Variants in FREM2 observed in about 807,000 individuals in gnomAD.
FREM2 encodes the protein FRAS1-related extracellular matrix protein 2.
FREM2 carries 119 observed loss-of-function variants against 219.9 expected under a neutral mutation model. The ratio of observed to expected loss-of-function variants is 0.54; its 90% CI spans 0.47 to 0.63. The LOEUF (loss-of-function observed/expected upper bound fraction) is 0.63, where lower values mean the gene tolerates loss of function less well. Ranked by LOEUF, FREM2 falls within the 30% of genes least tolerant of loss-of-function variation. The probability of loss-of-function intolerance (pLI) is 0.00; values close to 1 mark genes in which losing one functional copy is unlikely to be tolerated. For missense variants in FREM2, 4,030 were observed against 3,993.6 expected, an observed-to-expected ratio of 1.01 and a Z score of -0.25; for synonymous variants, 1,562 against 1,522.8, an observed-to-expected ratio of 1.03 and a Z score of -0.60.
At chr13:38,847,033 T>C (rs999238420) in intron 7 of FREM2, among the ~76,000 whole-genome samples, 2 of 152,114 alleles carry the variant, frequency 1.3e-5, no homozygotes, top group African/African-American at 4.8e-5. Context: ...TGTTGTAGCA[T>C]TATAAGCAGG....
chr13:38,847,601 GA>G (rs906313958), intron 7 of FREM2, among the ~76,000 whole-genome samples: 29 of 151,452 alleles, frequency 1.9e-4, no homozygotes, highest in African/African-American at 4.8e-4. Context: ...CAGAGGAAAA[GA>G]AAAAAATATA....
At chr13:38,784,423 T>C in intron 5 of FREM2, 134 bp from the exon 6 acceptor site, 1 of 861,002 alleles carries the variant, frequency 1.2e-6, no homozygotes, top group Non-Finnish European at 1.9e-6. Flanking sequence ...CAGTACGTAG[T>C]TGCTATTGCA....
intron 1 of FREM2, among the ~76,000 whole-genome samples, chr13:38,697,186 TA>T (rs1870145782): frequency 6.6e-6 from 1 of 152,234 alleles, no homozygotes; most frequent in Non-Finnish European, 1.5e-5. Context: ...AATATCATCT[TA>T]TTTTTTTCTC....
intron 6 of FREM2, among the ~76,000 whole-genome samples, chr13:38,802,340 A>G (rs1875045884): frequency 6.6e-6 from 1 of 152,122 alleles, no homozygotes; most frequent in Non-Finnish European, 1.5e-5. Flanking sequence ...AACAGTGACA[A>G]TTACCTGCTT....
At chr13:38,825,923 G>A (rs1013361857) in intron 6 of FREM2, among the ~76,000 whole-genome samples, 20 of 151,982 alleles carry the variant, frequency 1.3e-4, no homozygotes, top group Non-Finnish European at 2.1e-4. Context: ...GAAAATACAC[G>A]TTCAAATGAT....
intron 4 of FREM2, among the ~76,000 whole-genome samples, chr13:38,777,421 G>A (rs1873916566): frequency 1.3e-5 from 2 of 152,050 alleles, no homozygotes; most frequent in South Asian, 2.1e-4. Flanking sequence ...GAGCCTGGGC[G>A]GGCTCTGACA....
intron 6 of FREM2, among the ~76,000 whole-genome samples, chr13:38,843,636 T>C (rs1877042732): frequency 6.6e-6 from 1 of 152,192 alleles, no homozygotes; most frequent in African/African-American, 2.4e-5. Flanking sequence ...TCTTGCTATT[T>C]TCCTTAAGTG....
intron 10 of FREM2, 35 bp downstream of exon 10, chr13:38,851,143 T>C: frequency 1.9e-6 from 3 of 1,605,964 alleles, no homozygotes; most frequent in Non-Finnish European, 2.5e-6. Flanking sequence ...CAACTGTAAA[T>C]TAGAAACTAA....
intron 2 of FREM2, among the ~76,000 whole-genome samples, chr13:38,732,429 A>G (rs564921982): frequency 6.6e-6 from 1 of 152,092 alleles, no homozygotes; most frequent in Non-Finnish European, 1.5e-5. Flanking sequence ...TACTTAATAA[A>G]CTACTTTAGT....
chr13:38,754,910 T>TATTATTATTATC (rs1213181626), intron 2 of FREM2, among the ~76,000 whole-genome samples: 3 of 149,248 alleles, frequency 2.0e-5, no homozygotes, highest in Non-Finnish European at 4.5e-5. Flanking sequence ...TGATTATTAT[T>TATTATTATTATC]ATTATTATTA....
chr13:38,689,752 A>G lies in FREM2; in HGVS notation c.2408A>G (p.Gln803Arg), dbSNP rs745630207. The G allele has an allele frequency of 6.2e-7, 1 of 1,613,332 alleles. No homozygotes were observed. The highest frequency in any genetic ancestry group is 8.5e-7 in the Non-Finnish European group (1 of 1,179,582). ...GTGGCTACTCGAGTGGCCCAGTTCC[A>G]GTTCCAGGTGGAAGACCGAGCTGGG... Reference protein sequence around the residue: ...LGVATRVAQFQFQVEDRAGNV... With the variant: ...LGVATRVAQFRFQVEDRAGNV... Residue 803 changes from glutamine to arginine, a missense_variant, in exon 1 of 24, where the codon CAG becomes CGG. This residue lies in a region of FREM2 where 3,102 missense variants were observed against 2,950.7 expected (regional missense o/e 1.05). Coordinates refer to ENST00000280481, the MANE Select transcript of FREM2 (RefSeq NM_207361.6).
chr13:38,746,534 A>G (rs1214714255), intron 2 of FREM2, among the ~76,000 whole-genome samples: 1 of 152,174 alleles, frequency 6.6e-6, no homozygotes, highest in Non-Finnish European at 1.5e-5. Flanking sequence ...CCTAAGAGGA[A>G]TGGTCTAAAG....
At chr13:38,699,290 T>C (rs1344352785) in intron 2 of FREM2, among the ~76,000 whole-genome samples, 2 of 152,058 alleles carry the variant, frequency 1.3e-5, no homozygotes, top group East Asian at 1.9e-4. Context: ...TACTTTTTAA[T>C]AAAATATTTT....
At chr13:38,743,108 C>T (rs892076169) in intron 2 of FREM2, among the ~76,000 whole-genome samples, 1 of 152,228 alleles carries the variant, frequency 6.6e-6, no homozygotes, top group African/African-American at 2.4e-5. Context: ...TCCAGCTCAT[C>T]CACCTTGCTG....
rs536569970 is a variant in FREM2, at chr13:38,697,704, T to C, written c.5180T>C (p.Ile1727Thr). 2 of 1,577,700 alleles carry C rather than the reference T, an allele frequency of 1.3e-6. No individual in the cohort carries two copies. Among genetic ancestry groups the C allele is most frequent in the African/African-American group, 1.3e-5 (1 of 74,344 alleles). Residue 1727 changes from isoleucine (I) to threonine (T), a missense_variant, in exon 2 of 24, where the codon ATT becomes ACT. By Grantham distance (89) the Ile-to-Thr change is moderately conservative (BLOSUM62 -1). This residue lies in a region of FREM2 where 3,102 missense variants were observed against 2,950.7 expected (regional missense o/e 1.05). Transcript: ENST00000280481. ...TTTTTTGGTTATTTTCTAGCTGACA[T>C]TGATGACATGAAAATATGCTATGTC... is the stretch of plus-strand genomic sequence containing the variant. ...HSITQFTQAD[I>T]DDMKICYVLR...
intron 4 of FREM2, among the ~76,000 whole-genome samples, chr13:38,779,975 C>A (rs910134761): frequency 2.6e-5 from 4 of 152,202 alleles, no homozygotes; most frequent in African/African-American, 9.7e-5. Flanking sequence ...ATCTCCCTGA[C>A]TTCTAAGTGC....
chr13:38,743,850 T>C (rs969739124), intron 2 of FREM2, among the ~76,000 whole-genome samples: 4 of 152,228 alleles, frequency 2.6e-5, no homozygotes, highest in Admixed American at 6.5e-5. Flanking sequence ...GTGCCAAGCC[T>C]ATAATATCTA....
rs1878576091 is a variant in FREM2, at chr13:38,882,264, A to G, written c.*1477A>G. On this transcript the variant is annotated 3_prime_UTR_variant, in exon 24 of 24. Coordinates refer to ENST00000280481, the MANE Select transcript of FREM2 (RefSeq NM_207361.6). ...GAAAAATAAGGTCAGGAGAAAAAGA[A>G]TAATGCCTACAGATTATCCTTCAGA... The G allele has an allele frequency of 6.6e-6, 1 of 152,234 alleles. No individual in the cohort carries two copies. The highest frequency in any genetic ancestry group is 2.4e-5 in the African/African-American group (1 of 41,468). 9.4% of individuals were successfully genotyped at this position (152,234 alleles called of 1,614,324 possible). A position where few individuals can be genotyped will look rare whatever the true frequency, so the allele number is the denominator to read the frequency against.
intron 6 of FREM2, among the ~76,000 whole-genome samples, chr13:38,788,133 C>T (rs1489538880): frequency 6.6e-6 from 1 of 152,092 alleles, no homozygotes; most frequent in East Asian, 1.9e-4. Context: ...TTTACAGTTA[C>T]TTGAAATAGC....
Sources: gnomAD v4.1 joint callset for allele counts (sites outside exome capture counted in the v4.1 genomes callset) on GRCh38, gnomAD v4.1.1 for gene constraint, gnomAD v4.1.1 regional missense constraint, MANE v1.5 for transcripts, NCBI Gene and HGNC (gene_info 2026-07-23, HGNC 2026-07-21) for gene names.